The following FAM20B variants were observed in gnomAD, a reference collection of about 807,000 sequenced individuals.
FAM20B encodes the protein glycosaminoglycan xylosylkinase.
Under a neutral mutation model 43.8 loss-of-function variants are expected in FAM20B, and 23 were observed. That is an observed-to-expected ratio of 0.53 (90% CI 0.38 to 0.74). The LOEUF (loss-of-function observed/expected upper bound fraction) is 0.74, where lower values mean the gene tolerates loss of function less well. FAM20B is among the 30% of genes least tolerant of loss of function. FAM20B has a pLI of 0.00. For missense variants in FAM20B, 440 were observed against 510.5 expected, an observed-to-expected ratio of 0.86 and a Z score of 1.33; for synonymous variants, 178 against 192.4, an observed-to-expected ratio of 0.93 and a Z score of 0.62.
At chr1:179,042,400 G>T (rs551797821) in intron 1 of FAM20B, among the ~76,000 whole-genome samples, 1 of 152,324 alleles carries the variant, frequency 6.6e-6, no homozygotes, top group South Asian at 2.1e-4. Flanking sequence ...TCTGCTGCGG[G>T]TGCCCATGTC....
intron 2 of FAM20B, among the ~76,000 whole-genome samples, chr1:179,048,271 C>T (rs1650864014): frequency 6.6e-6 from 1 of 152,168 alleles, no homozygotes; most frequent in Non-Finnish European, 1.5e-5. Flanking sequence ...GTCCATTTTA[C>T]AGGTGAGAAA....
rs149069844 is a variant in FAM20B at position 179,076,490 on chromosome 1, T to A, written c.*4346T>A. On this transcript the variant is annotated 3_prime_UTR_variant, in exon 8 of 8. Coordinates refer to ENST00000263733, the MANE Select transcript of FAM20B (RefSeq NM_014864.4). Reference sequence around the variant, plus strand: ...GGTAAGATACCAAACAAGACAGATATGGATCTAAATTTCTAATGTGTTCTA... The same window carrying A: ...GGTAAGATACCAAACAAGACAGATAAGGATCTAAATTTCTAATGTGTTCTA... 197 of 152,686 alleles carry A rather than the reference T, an allele frequency of 1.3e-3. No homozygotes were observed. The highest frequency in any genetic ancestry group is 4.5e-3 in the African/African-American group (189 of 41,550). 9.5% of individuals were successfully genotyped at this position (152,686 alleles called of 1,614,324 possible). A position where few individuals can be genotyped will look rare whatever the true frequency, so the allele number is the denominator to read the frequency against.
chr1:179,072,445 AT>A lies in FAM20B; in HGVS notation c.*304del. ...ATGCCAAAGGACAAACAGGTGTGAC[AT>A]TTGGATAGATGAATACTGGGATTGG... On this transcript the variant is annotated 3_prime_UTR_variant, in exon 8 of 8. Coordinates refer to ENST00000263733, the MANE Select transcript of FAM20B (RefSeq NM_014864.4). 8.5e-6 allele frequency: 3 copies of A among 351,024 alleles called. No individual in the cohort carries two copies. The highest frequency in any genetic ancestry group is 1.6e-5 in the Non-Finnish European group (3 of 188,856). The allele number at this position is 351,024 out of a possible 1,614,324, so 21.7% of individuals were successfully genotyped here.
chr1:179,068,701 TG>T (rs768400120), intron 7 of FAM20B, among the ~76,000 whole-genome samples: 5 of 152,174 alleles, frequency 3.3e-5, no homozygotes, highest in African/African-American at 4.8e-5. Context: ...CCCAAACTAC[TG>T]GCATTACAGG....
intron 4 of FAM20B, among the ~76,000 whole-genome samples, chr1:179,055,324 CTT>C (rs1651166272): frequency 6.6e-6 from 1 of 152,272 alleles, no homozygotes; most frequent in East Asian, 1.9e-4. Context: ...CACCTTGACT[CTT>C]TTTCAGTGAT....
intron 1 of FAM20B, among the ~76,000 whole-genome samples, chr1:179,039,811 T>A (rs1207679393): frequency 1.3e-5 from 2 of 151,878 alleles, no homozygotes; most frequent in Admixed American, 6.6e-5. Context: ...AGGACAATAG[T>A]GGAGGGAAGG....
At position 179,054,617 on chromosome 1, in the gene FAM20B, T is replaced by C; in HGVS notation, c.553T>C (p.Leu185=). 1.9e-6 allele frequency: 3 copies of C among 1,609,136 alleles called. No homozygotes were observed. The highest frequency in any genetic ancestry group is 2.6e-6 in the Non-Finnish European group (3 of 1,175,890). ...CAAACCTGTCGCCACAGAGCAGCTG[T>C]TGAGCACCTTCCTAACTGTAGGTAA... ...EIKPVATEQL[L]STFLTVGNNT... is the part of the protein sequence containing the mutation. The change falls in exon 4 of 8, where the codon TTG becomes CTG. Residue 185 remains leucine, a synonymous_variant. Transcript: ENST00000263733.
chr1:179,020,663 T>A, the FAM20B span, among the ~76,000 whole-genome samples: 1 of 152,236 alleles, frequency 6.6e-6, no homozygotes. Flanking sequence ...GTTCTCAGCC[T>A]TGGTTGCAAA....
intron 2 of FAM20B, among the ~76,000 whole-genome samples, chr1:179,046,052 G>A (rs1328224419): frequency 6.6e-6 from 1 of 152,088 alleles, no homozygotes; most frequent in Non-Finnish European, 1.5e-5. Flanking sequence ...GACAATTTCA[G>A]TTCTTATTTC....
At chr1:179,050,458 A>G (rs1246960721) in intron 3 of FAM20B, 93 bp downstream of exon 3, 3 of 805,760 alleles carry the variant, frequency 3.7e-6, no homozygotes, top group Non-Finnish European at 6.4e-6. Flanking sequence ...AGGATGCAAC[A>G]CTAATAAATA....
rs1572522468 is a variant in FAM20B, at chr1:179,026,100, T to G, written c.-134+2T>G. 2.0e-5 allele frequency: 2 copies of G among 99,586 alleles called. No individual in the cohort carries two copies. Among genetic ancestry groups the G allele is most frequent in the Non-Finnish European group, 4.1e-5 (2 of 48,526 alleles). 6.2% of individuals were successfully genotyped at this position (99,586 alleles called of 1,614,324 possible). A position where few individuals can be genotyped will look rare whatever the true frequency, so the allele number is the denominator to read the frequency against. On this transcript the variant is annotated splice_donor_variant, in intron 1 of 7. Coordinates refer to ENST00000263733, the MANE Select transcript of FAM20B (RefSeq NM_014864.4). LOFTEE classifies it low-confidence loss of function (5UTR_SPLICE). The stretch of plus-strand genomic sequence containing the variant: ...TGGAGCGAGCCTAGGGCCCGACAGG[T>G]GAGTGGCGCGGGGGCGGGGGAGGGC...
intron 1 of FAM20B, among the ~76,000 whole-genome samples, chr1:179,026,995 G>C (rs1404035876): frequency 2.0e-5 from 3 of 152,174 alleles, no homozygotes; most frequent in African/African-American, 4.8e-5. Context: ...TACCATCATT[G>C]GGATGGATAA....
the FAM20B span, among the ~76,000 whole-genome samples, chr1:179,019,285 T>TGGAA: frequency 1.3e-5 from 2 of 152,136 alleles, no homozygotes; most frequent in Non-Finnish European, 2.9e-5. Context: ...GTTGGGTGGC[T>TGGAA]GGAAGGAAGG....
At position 179,054,551 on chromosome 1, in the gene FAM20B, C is replaced by A. The variant is rs1651132194; in HGVS notation, c.487C>A (p.Pro163Thr). 2 of 1,612,842 alleles carry A rather than the reference C, an allele frequency of 1.2e-6. No homozygotes were observed. Among genetic ancestry groups the A allele is most frequent in the South Asian group, 2.2e-5 (2 of 90,988 alleles). Reference protein sequence around the residue: ...LDRILGFHRAPLVVGRFVNLR... With the variant: ...LDRILGFHRATLVVGRFVNLR... ...CAGGATTCTGGGTTTCCACCGAGCC[C>A]CCTTGGTAGTTGGCAGATTTGTTAA... Residue 163 changes from proline to threonine, a missense_variant, in exon 4 of 8, where the codon CCC (proline) becomes ACC (threonine). Transcript: ENST00000263733.
chr1:179,067,561 G>A (rs1651741480), intron 7 of FAM20B, among the ~76,000 whole-genome samples: 1 of 152,000 alleles, frequency 6.6e-6, no homozygotes, highest in Admixed American at 6.5e-5. Context: ...CCGAGATTGT[G>A]CCATTGCACT....
At chr1:179,028,521 G>C (rs1344007531) in intron 1 of FAM20B, among the ~76,000 whole-genome samples, 2 of 152,222 alleles carry the variant, frequency 1.3e-5, no homozygotes, top group African/African-American at 2.4e-5. Flanking sequence ...GGCAGAGGTT[G>C]CAGTGAGCTG....
upstream of FAM20B, among the ~76,000 whole-genome samples, chr1:179,020,951 G>A (rs1424248786): frequency 6.6e-6 from 1 of 152,196 alleles, no homozygotes; most frequent in African/African-American, 2.4e-5. Context: ...CACGCCTGTA[G>A]TCACAGCTAC....
Position 179,056,314 on chromosome 1 carries a change from A to G in FAM20B, c.574+1676A>G, listed in dbSNP as rs113806290. ...TCATCATTCTCCACCCCTCTCTCCA[A>G]TCCCCTTGCAACTACTGATCTTTTT... On this transcript the variant is annotated intron_variant, in intron 4 of 7. Coordinates refer to ENST00000263733, the MANE Select transcript of FAM20B (RefSeq NM_014864.4). Among the ~76,000 whole-genome samples the G allele has an allele frequency of 2.4e-3, 360 of 152,206 alleles. 2 individuals are homozygous for G. The highest frequency in any genetic ancestry group is 8.2e-3 in the African/African-American group (340 of 41,520).
At chr1:179,071,019 G>T (rs556127534) in intron 7 of FAM20B, among the ~76,000 whole-genome samples, 5 of 151,982 alleles carry the variant, frequency 3.3e-5, no homozygotes, top group African/African-American at 1.2e-4. Context: ...TTTCCGCCAG[G>T]CGCAGTGGCT....
Sources: allele counts gnomAD v4.1 joint callset (sites outside exome capture counted in the v4.1 genomes callset), GRCh38; gene constraint gnomAD v4.1.1; transcripts MANE v1.5; gene names NCBI Gene and HGNC (gene_info 2026-07-23, HGNC 2026-07-21).